The following EPHA3 variants were observed in gnomAD, a reference collection of about 807,000 sequenced individuals.
EPHA3 encodes the protein ephrin type-A receptor 3.
Under a neutral mutation model 107.1 loss-of-function variants are expected in EPHA3, and 42 were observed. That is an observed-to-expected ratio of 0.39 (90% CI 0.31 to 0.51). The LOEUF (loss-of-function observed/expected upper bound fraction) is 0.51. Ranked by LOEUF, EPHA3 falls within the 20% of genes least tolerant of loss-of-function variation. The pLI, the probability that EPHA3 is intolerant of heterozygous loss-of-function variation, is 0.78. For synonymous variants in EPHA3, 461 were observed against 424.8 expected (o/e 1.09, Z -1.05); for missense variants, 1,183 against 1,211.2 (o/e 0.98, Z 0.35).
At chr3:89,282,890 A>T (rs1010953001) in intron 3 of EPHA3, among the ~76,000 whole-genome samples, 13 of 152,146 alleles carry the variant, frequency 8.5e-5, no homozygotes, top group Admixed American at 5.9e-4. Context: ...GTTAACTGAA[A>T]CATGAATAAT....
rs373081017 is a variant in EPHA3 at position 89,286,119 on chromosome 3, C to CGTGTGTGT, written c.815-54762_815-54755dup. On this transcript the variant is annotated intron_variant, in intron 3 of 16. Transcript: ENST00000336596. ...TTTAAACTAGGAGGATCAATTTCTA[C>CGTGTGTGT]GTGTGTGTGTGTGTGTGTGTGTGTG... 3.2e-3 allele frequency among the ~76,000 whole-genome samples: 442 copies of CGTGTGTGT among 136,654 alleles called. 2 individuals are homozygous for CGTGTGTGT. Among genetic ancestry groups the CGTGTGTGT allele is most frequent in the African/African-American group, 9.0e-3 (331 of 36,968 alleles). The allele number at this position is 136,654 out of a possible 152,430, so 89.7% of individuals were successfully genotyped here. A position where few individuals can be genotyped will look rare whatever the true frequency, so the allele number is the denominator to read the frequency against.
intron 3 of EPHA3, among the ~76,000 whole-genome samples, chr3:89,312,663 A>G (rs1217781642): frequency 6.6e-6 from 1 of 151,882 alleles, no homozygotes; most frequent in Non-Finnish European, 1.5e-5. Context: ...AGTTTGTTGA[A>G]CAGATTATTT....
At chr3:89,136,732 T>TA (rs1704324174) in intron 2 of EPHA3, among the ~76,000 whole-genome samples, 1 of 151,968 alleles carries the variant, frequency 6.6e-6, no homozygotes, top group Admixed American at 6.6e-5. Context: ...TTGTGCTTTA[T>TA]AATCCTTACC....
intron 13 of EPHA3, 146 bp downstream of exon 13, chr3:89,431,505 T>A (rs1013487274): frequency 1.6e-6 from 1 of 609,508 alleles, no homozygotes; most frequent in African/African-American, 1.8e-5. Context: ...TAAAATATTA[T>A]TATTTATTCT....
intron 5 of EPHA3, among the ~76,000 whole-genome samples, chr3:89,376,005 C>A (rs1478336571): frequency 6.6e-6 from 1 of 151,906 alleles, no homozygotes; most frequent in Admixed American, 6.6e-5. Flanking sequence ...TACATGGCAC[C>A]TGGCATACAG....
intron 3 of EPHA3, among the ~76,000 whole-genome samples, chr3:89,319,046 C>T (rs1374277222): frequency 6.6e-6 from 1 of 151,944 alleles, no homozygotes; most frequent in African/African-American, 2.4e-5. Context: ...TTGATCTCTA[C>T]TATCAGTATT....
intron 5 of EPHA3, among the ~76,000 whole-genome samples, chr3:89,371,230 A>T (rs1708293727): frequency 6.6e-6 from 1 of 151,720 alleles, no homozygotes; most frequent in Admixed American, 6.6e-5. Flanking sequence ...ATTTTGAGAC[A>T]TTATAATTTG....
At chr3:89,298,701 C>G (rs537175351) in intron 3 of EPHA3, among the ~76,000 whole-genome samples, 1 of 151,890 alleles carries the variant, frequency 6.6e-6, no homozygotes, top group East Asian at 1.9e-4. Flanking sequence ...TTGGAGATGC[C>G]AAGACATAAA....
chr3:89,121,920 C>T (rs1426590641), intron 1 of EPHA3, among the ~76,000 whole-genome samples: 2 of 151,950 alleles, frequency 1.3e-5, no homozygotes, highest in South Asian at 2.1e-4. Flanking sequence ...AATATCATAC[C>T]CTGCTGCTTA....
intron 2 of EPHA3, among the ~76,000 whole-genome samples, chr3:89,192,545 G>A (rs1705745284): frequency 6.6e-6 from 1 of 151,922 alleles, no homozygotes; most frequent in African/African-American, 2.4e-5. Context: ...TAAAATGACT[G>A]TAGGATTTAG....
chr3:89,276,633 T>C (rs1287301723), intron 3 of EPHA3, among the ~76,000 whole-genome samples: 1 of 152,096 alleles, frequency 6.6e-6, no homozygotes, highest in Non-Finnish European at 1.5e-5. Context: ...TCTTAGATGT[T>C]ATTTGGGAAA....
At chr3:89,472,815 T>G (rs73139117) in intron 16 of EPHA3, among the ~76,000 whole-genome samples, 196 bp downstream of exon 16, 29,038 of 152,072 alleles carry the variant, frequency 0.19, 3,368 homozygotes, top group Non-Finnish European at 0.25. Flanking sequence ...TGATACATAT[T>G]GATGTGTCTT....
intron 5 of EPHA3, among the ~76,000 whole-genome samples, chr3:89,353,245 A>C (rs1483619565): frequency 1.3e-5 from 2 of 151,358 alleles, no homozygotes; most frequent in Admixed American, 1.3e-4. Flanking sequence ...CTTGGAAGTA[A>C]ATTAAACACC....
intron 5 of EPHA3, among the ~76,000 whole-genome samples, chr3:89,383,923 C>T (rs1357882774): frequency 6.6e-6 from 1 of 152,014 alleles, no homozygotes; most frequent in Non-Finnish European, 1.5e-5. Context: ...GCTGGGATTA[C>T]AGGCGTGAGC....
chr3:89,302,812 A>G (rs1246134433), intron 3 of EPHA3, among the ~76,000 whole-genome samples: 1 of 152,152 alleles, frequency 6.6e-6, no homozygotes, highest in Non-Finnish European at 1.5e-5. Flanking sequence ...TCAGTATTAT[A>G]TGGTCCAGTA....
At chr3:89,151,904 G>T (rs1704697966) in intron 2 of EPHA3, among the ~76,000 whole-genome samples, 1 of 152,032 alleles carries the variant, frequency 6.6e-6, no homozygotes, top group Admixed American at 6.6e-5. Flanking sequence ...AATTCTGTTT[G>T]CAATGATCCA....
chr3:89,378,191 C>A (rs1259893018), intron 5 of EPHA3, among the ~76,000 whole-genome samples: 1 of 151,958 alleles, frequency 6.6e-6, no homozygotes, highest in Non-Finnish European at 1.5e-5. Context: ...CAGCAAACCA[C>A]CATAGCACGT....
chr3:89,317,164 G>A (rs565250716), intron 3 of EPHA3, among the ~76,000 whole-genome samples: 1 of 151,758 alleles, frequency 6.6e-6, no homozygotes, highest in Non-Finnish European at 1.5e-5. Context: ...GATATCAAAT[G>A]ATGGTTATAG....
intron 5 of EPHA3, among the ~76,000 whole-genome samples, chr3:89,348,549 A>G (rs1707730074): frequency 7.2e-6 from 1 of 139,160 alleles, no homozygotes; most frequent in South Asian, 2.2e-4. Context: ...AATTTTGTTG[A>G]TCCTCTCAAA....
Sources: gnomAD v4.1 joint callset for allele counts (sites outside exome capture counted in the v4.1 genomes callset) on GRCh38, gnomAD v4.1.1 for gene constraint, MANE v1.5 for transcripts, NCBI Gene and HGNC (gene_info 2026-07-23, HGNC 2026-07-21) for gene names.